The following NCOR2 variants were observed in gnomAD, a reference collection of about 807,000 sequenced individuals.
NCOR2 encodes the protein nuclear receptor corepressor 2, also known as CTG repeat protein 26.
NCOR2 carries 81 observed loss-of-function variants against 262.9 expected under a neutral mutation model. The observed-to-expected ratio is 0.31, with a 90% CI of 0.26 to 0.37. The LOEUF (loss-of-function observed/expected upper bound fraction) is 0.37. Ranked by LOEUF, NCOR2 falls within the 10% of genes least tolerant of loss-of-function variation. NCOR2 has a pLI of 1.00. For missense variants in NCOR2, 3,385 were observed against 3,621.4 expected (o/e 0.93, Z 1.68); for synonymous variants, 1,659 against 1,559.3 (o/e 1.06, Z -1.51).
chr12:124,401,783 G>A lies in NCOR2; in HGVS notation c.1640+621C>T, dbSNP rs551148225. ...CCCTTGCTGGAAGCGTCTGGGAGAC[G>A]GGGTGAGGAAGCCAGATGTTCTCTG... On this transcript the variant is annotated intron_variant, in intron 14 of 46. Transcript: ENST00000405201. Among the ~76,000 whole-genome samples, 8 of 152,312 alleles carry A rather than the reference G, an allele frequency of 5.3e-5. No individual in the cohort carries two copies. The East Asian group carries it at 1.5e-3, about 29-fold the overall frequency.
intron 10 of NCOR2, 102 bp downstream of exon 12, chr12:124,429,511 G>A (rs2043794235): frequency 1.5e-5 from 19 of 1,283,608 alleles, no homozygotes; most frequent in South Asian, 1.5e-4. Flanking sequence ...AAAGCCCCTC[G>A]ACGTAAACCA....
At chr12:124,343,123 G>T (rs756545481) in exon 33 of NCOR2, 1 of 1,612,378 alleles carries the variant, frequency 6.2e-7, no homozygotes, top group Admixed American at 1.7e-5. Flanking sequence ...GCGAGATGGG[G>T]TGTGGGTGGT....
chr12:124,379,219 G>C (rs1280603674), intron 17 of NCOR2, among the ~76,000 whole-genome samples: 1 of 152,118 alleles, frequency 6.6e-6, no homozygotes, highest in African/African-American at 2.4e-5. Flanking sequence ...GGAATGGAAA[G>C]AAGCCCTCAT....
chr12:124,373,691 CCGGGCACAG>C (rs2039733389), intron 19 of NCOR2, among the ~76,000 whole-genome samples: 2 of 106,932 alleles, frequency 1.9e-5, no homozygotes, highest in Admixed American at 8.9e-5. Flanking sequence ...CGCAGGGGCC[CCGGGCACAG>C]TGGACAATCA....
chr12:124,329,981 T>C (rs2035043846), intron 44 of NCOR2, among the ~76,000 whole-genome samples: 1 of 152,204 alleles, frequency 6.6e-6, no homozygotes, highest in Non-Finnish European at 1.5e-5. Context: ...GGTGTCCTAG[T>C]TGGGACTCCC....
chr12:124,508,510 C>T (rs971926747), intron 1 of NCOR2, among the ~76,000 whole-genome samples: 3 of 152,200 alleles, frequency 2.0e-5, no homozygotes, highest in African/African-American at 7.2e-5. Flanking sequence ...TGCCGGAACA[C>T]AAGGGCCCAG....
At chr12:124,552,796 C>A (rs779600867) in intron 1 of NCOR2, among the ~76,000 whole-genome samples, 6 of 152,178 alleles carry the variant, frequency 3.9e-5, no homozygotes, top group Non-Finnish European at 8.8e-5. Flanking sequence ...TCAAGTGACC[C>A]TCCCATCTCA....
intron 2 of NCOR2, among the ~76,000 whole-genome samples, chr12:124,485,615 C>T (rs961729937): frequency 3.9e-5 from 6 of 152,236 alleles, no homozygotes; most frequent in Non-Finnish European, 8.8e-5. Context: ...CACGCTGCCT[C>T]GGCCTCCCCT....
chr12:124,562,785 G>A (rs1255764809), intron 1 of NCOR2, among the ~76,000 whole-genome samples: 2 of 152,210 alleles, frequency 1.3e-5, no homozygotes, highest in African/African-American at 4.8e-5. Context: ...TAAGAGGGAG[G>A]AATGGTTGAT....
At chr12:124,416,264 AAAAG>A (rs2042853834) in intron 13 of NCOR2, among the ~76,000 whole-genome samples, 1 of 152,198 alleles carries the variant, frequency 6.6e-6, no homozygotes, top group Non-Finnish European at 1.5e-5. Flanking sequence ...AAAAATGAGC[AAAAG>A]AAAGAGGGTC....
intron 1 of NCOR2, among the ~76,000 whole-genome samples, chr12:124,519,858 G>A (rs2050077882): frequency 6.6e-6 from 1 of 150,510 alleles, no homozygotes; most frequent in African/African-American, 2.5e-5. Flanking sequence ...CACAGACAGA[G>A]CAGGAGGCTG....
At chr12:124,334,848 C>G (rs569476621) in intron 40 of NCOR2, 672 of 608,374 alleles carry the variant, frequency 1.1e-3, no homozygotes, top group Non-Finnish European at 1.8e-3. Context: ...ATGAGACCAG[C>G]CCATGACACT....
chr12:124,358,804 C>T (rs1206940554), intron 22 of NCOR2, among the ~76,000 whole-genome samples: 1 of 152,186 alleles, frequency 6.6e-6, no homozygotes, highest in Non-Finnish European at 1.5e-5. Flanking sequence ...CATGCTCTCT[C>T]AGGGCTCCAC....
At chr12:124,328,739 C>T (rs772335693) in intron 44 of NCOR2, 47 of 176,966 alleles carry the variant, frequency 2.7e-4, no homozygotes, top group Admixed American at 5.0e-4. Context: ...GTGGTCAAAT[C>T]GTCTTTCCGA....
intron 1 of NCOR2, among the ~76,000 whole-genome samples, chr12:124,560,980 C>T (rs940806110): frequency 6.6e-6 from 1 of 152,170 alleles, no homozygotes; most frequent in Non-Finnish European, 1.5e-5. Flanking sequence ...CATATCATAA[C>T]AAAATAAGTA....
exon 32 of NCOR2, chr12:124,344,675 G>A: frequency 6.6e-7 from 1 of 1,512,846 alleles, no homozygotes; most frequent in South Asian, 1.2e-5. Context: ...GGTGCCCCGT[G>A]GTCCTCATAG....
intron 16 of NCOR2, among the ~76,000 whole-genome samples, chr12:124,394,524 A>G (rs1465759007): frequency 6.6e-6 from 1 of 152,248 alleles, no homozygotes; most frequent in African/African-American, 2.4e-5. Flanking sequence ...GATGTGATCA[A>G]GTCAACGTGG....
At chr12:124,456,984 G>C (rs1157726229) in intron 6 of NCOR2, 122 bp downstream of exon 8, 32 of 734,490 alleles carry the variant, frequency 4.4e-5, no homozygotes, top group Non-Finnish European at 5.7e-5. Flanking sequence ...CTCCGCGGAC[G>C]CCGCCTGGGC....
At chr12:124,473,503 G>C (rs1202089643) in intron 3 of NCOR2, among the ~76,000 whole-genome samples, 2 of 152,162 alleles carry the variant, frequency 1.3e-5, no homozygotes, top group Non-Finnish European at 2.9e-5. Context: ...TGGCTTCCTT[G>C]CTTCTCAGCC....
Sources: gnomAD v4.1 joint callset for allele counts (sites outside exome capture counted in the v4.1 genomes callset) on GRCh38, gnomAD v4.1.1 for gene constraint, MANE v1.5 for transcripts, NCBI Gene and HGNC (gene_info 2026-07-23, HGNC 2026-07-21) for gene names.